SEPTIN2: variants seen among roughly 807,000 people sequenced by gnomAD.
SEPTIN2 encodes septin 2.
SEPTIN2 carries 34 observed loss-of-function variants against 46.5 expected under a neutral mutation model. The ratio of observed to expected loss-of-function variants is 0.73; its 90% confidence interval spans 0.56 to 0.97. The LOEUF is 0.97. Ranked by LOEUF, SEPTIN2 falls within the 50% of genes least tolerant of loss-of-function variation. The pLI, the probability that SEPTIN2 is intolerant of heterozygous loss-of-function variation, is 0.00. For missense variants in SEPTIN2, 347 were observed against 448.4 expected (o/e 0.77, Z 2.04); for synonymous variants, 175 against 153.4 (o/e 1.14, Z -1.04).
intron 1 of SEPTIN2, among the ~76,000 whole-genome samples, chr2:241,318,056 A>G (rs184005895): frequency 6.6e-6 from 1 of 151,590 alleles, no homozygotes; most frequent in African/African-American, 2.4e-5. Flanking sequence ...TTCCTCTTTC[A>G]CCTTCCATTT....
At position 241,337,789 on chromosome 2, in the gene SEPTIN2, G is replaced by C. The variant is rs771203614; in HGVS notation, c.593G>C (p.Arg198Thr). The C allele has an allele frequency of 2.5e-6, 4 of 1,610,632 alleles. No homozygotes were observed. Among genetic ancestry groups the C allele is most frequent in the Non-Finnish European group, 3.4e-6 (4 of 1,176,948 alleles). ...AAGGAACGGGAGCGGCTGAAGAAAAGGGTGAGTGAGGCTGGCGTCCTGCCC... is the reference window on the plus strand; with the variant it reads ...AAGGAACGGGAGCGGCTGAAGAAAACGGTGAGTGAGGCTGGCGTCCTGCCC... ...TLKERERLKKRILDEIEEHNI... is the reference protein window; with the variant it reads ...TLKERERLKKTILDEIEEHNI... Residue 198 changes from arginine to threonine, a missense_variant and splice_region_variant, in exon 7 of 13, where the codon AGG (arginine) becomes ACG (threonine). By Grantham distance (71) the Arg-to-Thr change is moderately conservative (BLOSUM62 -1). Coordinates refer to ENST00000391971, the MANE Select transcript of SEPTIN2 (RefSeq NM_004404.5).
chr2:241,327,468 G>A (rs1380425534), intron 3 of SEPTIN2, among the ~76,000 whole-genome samples: 1 of 148,858 alleles, frequency 6.7e-6, no homozygotes, highest in Non-Finnish European at 1.5e-5. Context: ...ATTGTGAACA[G>A]TCTAATATAT....
intron 8 of SEPTIN2, among the ~76,000 whole-genome samples, chr2:241,343,511 A>T (rs900673141): frequency 4.0e-5 from 6 of 151,898 alleles, no homozygotes; most frequent in African/African-American, 1.5e-4. Flanking sequence ...AAAAAAAAAA[A>T]TTTGATACAG....
intron 2 of SEPTIN2, chr2:241,324,632 G>A (rs1285183738): frequency 4.5e-5 from 13 of 292,122 alleles, no homozygotes; most frequent in Admixed American, 1.0e-4. Flanking sequence ...TGATCCACCC[G>A]CTTTGGCCCC....
chr2:241,337,473 A>C lies in SEPTIN2; in HGVS notation c.433A>C (p.Arg145=), dbSNP rs769252586. The change falls in exon 6 of 13, where the codon AGG becomes CGG. Residue 145 remains arginine, a synonymous_variant. Transcript: ENST00000391971. ...GLNRRHIIDN[R]VHCCFYFISP... ...GAACAGGCGGCACATCATTGATAAT[A>C]GGGTGCATTGTTGCTTTTACTTTAT... is the stretch of plus-strand genomic sequence containing the variant. 6.2e-7 allele frequency: 1 copy of C among 1,614,094 alleles called. No homozygotes were observed. The highest frequency in any genetic ancestry group is 8.5e-7 in the Non-Finnish European group (1 of 1,179,990).
chr2:241,323,850 A>G (rs1411338923), intron 1 of SEPTIN2, among the ~76,000 whole-genome samples: 3 of 152,222 alleles, frequency 2.0e-5, no homozygotes, highest in African/African-American at 4.8e-5. Flanking sequence ...ATTGGCTACT[A>G]TTGATTACAC....
At chr2:241,321,467 T>C (rs879697754) in intron 1 of SEPTIN2, among the ~76,000 whole-genome samples, 16 of 152,208 alleles carry the variant, frequency 1.1e-4, no homozygotes, top group Non-Finnish European at 1.2e-4. Flanking sequence ...CTCTCCTCCA[T>C]GTTTGCACTA....
chr2:241,338,728 A>G (rs1319830594), intron 7 of SEPTIN2, among the ~76,000 whole-genome samples: 59 of 109,852 alleles, frequency 5.4e-4, no homozygotes, highest in African/African-American at 1.8e-3. Context: ...AATATATTAT[A>G]TATATTATAT....
intron 1 of SEPTIN2, among the ~76,000 whole-genome samples, chr2:241,321,888 T>C (rs2077187735): frequency 6.6e-6 from 1 of 152,224 alleles, no homozygotes. Flanking sequence ...GCCAACTCCT[T>C]CTGCCAAAAC....
intron 7 of SEPTIN2, among the ~76,000 whole-genome samples, chr2:241,341,903 A>G (rs1372840668): frequency 6.6e-6 from 1 of 152,200 alleles, no homozygotes; most frequent in African/African-American, 2.4e-5. Context: ...CCACCATGCA[A>G]TGAGCATTTG....
Position 241,350,087 on chromosome 2 carries a change from A to G in SEPTIN2, c.999A>G (p.Gln333=), listed in dbSNP as rs780653264. Residue 333 remains glutamine (Q), a synonymous_variant, in exon 12 of 13, where the codon CAA becomes CAG. Transcript: ENST00000391971. ...TGTGTTCACAGCTCCGCCGCATGCA[A>G]GAGATGATTGCAAGGATGCAGGCGC... ...LEKEAELRRM[Q]EMIARMQAQM... 9 of 1,613,976 alleles carry G rather than the reference A, an allele frequency of 5.6e-6. No individual in the cohort carries two copies. In the Admixed American group the frequency reaches 1.2e-4, roughly 21 times the overall value.
In SEPTIN2 at chr2:241,324,194, CTGTG is replaced by C. The variant is rs751137815; in HGVS notation, c.-17-18_-17-15del. The C allele has an allele frequency of 2.5e-6, 4 of 1,606,480 alleles. No individual in the cohort carries two copies. The highest frequency in any genetic ancestry group is 4.5e-5 in the East Asian group (2 of 44,792). On this transcript the variant is annotated intron_variant, in intron 1 of 12. Coordinates refer to ENST00000391971, the MANE Select transcript of SEPTIN2 (RefSeq NM_004404.5). ...ACTATGTATGTGCGTTTATGTGTGT[CTGTG>C]TGTTTTTTTTTTAACAGACGAAGCT...
At chr2:241,350,036 A>G (rs754744071) in intron 11 of SEPTIN2, 37 bp from the exon 12 acceptor site, 6 of 1,596,390 alleles carry the variant, frequency 3.8e-6, no homozygotes, top group Middle Eastern at 1.7e-4. Context: ...AAAGACAGCA[A>G]ACCTTGAAAA....
chr2:241,344,034 AGTG>A (rs1482041069), intron 9 of SEPTIN2, 137 bp downstream of exon 9: 1 of 1,089,924 alleles, frequency 9.2e-7, no homozygotes, highest in African/African-American at 1.6e-5. Flanking sequence ...ACATCGCAGA[AGTG>A]GTGTGGGGCT....
At chr2:241,333,903 T>G (rs532454655) in intron 3 of SEPTIN2, among the ~76,000 whole-genome samples, 4 of 152,342 alleles carry the variant, frequency 2.6e-5, no homozygotes, top group South Asian at 4.1e-4. Context: ...TAGGCTGAAG[T>G]GCAGTGGCAT....
intron 8 of SEPTIN2, 150 bp from the exon 9 acceptor site, chr2:241,343,602 C>T (rs2150146772): frequency 6.1e-6 from 5 of 824,774 alleles, no homozygotes; most frequent in Middle Eastern, 3.6e-4. Context: ...GTATCTGACA[C>T]TTTTCAAGAA....
In SEPTIN2 at chr2:241,325,982, A is replaced by C. The variant is rs766568805; in HGVS notation, c.10-11A>C. 8 of 1,608,216 alleles carry C rather than the reference A, an allele frequency of 5.0e-6. No individual in the cohort carries two copies. The highest frequency in any genetic ancestry group is 6.8e-6 in the Non-Finnish European group (8 of 1,177,888). On this transcript the variant is annotated splice_polypyrimidine_tract_variant and intron_variant, in intron 2 of 12. Transcript: ENST00000391971. ...TGTTTATTAGTTTGTTTGTTTTTTA[A>C]TCTTATTTAGCAACAGCCAACTCAG...
At chr2:241,328,842 G>C (rs2078460018) in intron 3 of SEPTIN2, among the ~76,000 whole-genome samples, 1 of 151,628 alleles carries the variant, frequency 6.6e-6, no homozygotes, top group Admixed American at 6.6e-5. Context: ...CCAACATGGA[G>C]AAACCCCATC....
chr2:241,347,989 C>T (rs534048667), intron 10 of SEPTIN2, 145 bp from the exon 11 acceptor site: 30 of 591,894 alleles, frequency 5.1e-5, no homozygotes, highest in Non-Finnish European at 7.5e-5. Flanking sequence ...CACTCCAGCC[C>T]GTGCGACAGA....
Sources: allele counts gnomAD v4.1 joint callset (sites outside exome capture counted in the v4.1 genomes callset), GRCh38; gene constraint gnomAD v4.1.1; transcripts MANE v1.5; gene names NCBI Gene and HGNC (gene_info 2026-07-23, HGNC 2026-07-21).